DPYSL2: variants seen among roughly 807,000 people sequenced by gnomAD.
DPYSL2 encodes the protein dihydropyrimidinase-related protein 2.
DPYSL2 carries 13 observed loss-of-function variants against 69.9 expected under a neutral mutation model. That is an observed-to-expected ratio of 0.19 (90% CI 0.12 to 0.30). The LOEUF is 0.30. Ranked by LOEUF, DPYSL2 falls within the 10% of genes least tolerant of loss-of-function variation. DPYSL2 has a pLI of 1.00. For missense variants in DPYSL2, 587 were observed against 918.9 expected (o/e 0.64, Z 4.67); for synonymous variants, 326 against 359.1 (o/e 0.91, Z 1.04).
rs1238665765 is a variant in DPYSL2 at position 26,533,742 on chromosome 8, T to C, written c.354+19063T>C. On this transcript the variant is annotated intron_variant, in intron 1 of 13. Coordinates refer to ENST00000521913, the MANE Select transcript of DPYSL2 (RefSeq NM_001197293.3). The surrounding 1 kb of genome is among the most constrained non-coding windows in gnomAD (Gnocchi z 4.8). ...GTCAATGACCACAGCTGTCAAATGT[T>C]CTCAGGTGAAGAGGTTGAGAGGACT... 1.3e-5 allele frequency among the ~76,000 whole-genome samples: 2 copies of C among 152,210 alleles called. No homozygotes were observed. The highest frequency in any genetic ancestry group is 2.9e-5 in the Non-Finnish European group (2 of 68,040).
At chr8:26,645,966 C>A (rs1253642054) in intron 10 of DPYSL2, among the ~76,000 whole-genome samples, 1 of 151,982 alleles carries the variant, frequency 6.6e-6, no homozygotes, top group South Asian at 2.1e-4. Flanking sequence ...CCCGGGTTCA[C>A]GCAATTCTCT....
rs1802654703 is a variant in DPYSL2 at position 26,627,814 on chromosome 8, A to G, written c.937-58A>G. 9.5e-6 allele frequency: 15 copies of G among 1,572,144 alleles called. No individual in the cohort carries two copies. Among genetic ancestry groups the G allele is most frequent in the Non-Finnish European group, 1.3e-5 (15 of 1,150,030 alleles). On this transcript the variant is annotated intron_variant, in intron 6 of 13. Coordinates refer to ENST00000521913, the MANE Select transcript of DPYSL2 (RefSeq NM_001197293.3). The surrounding 1 kb of genome is among the most constrained non-coding windows in gnomAD (Gnocchi z 6.9). The stretch of plus-strand genomic sequence containing the variant: ...ATAACTGCATGCCCGGGCCTCTGCC[A>G]TCAGAGCTGTGCAAAATCCACTCTC...
At chr8:26,616,940 C>G (rs1182015636) in intron 3 of DPYSL2, among the ~76,000 whole-genome samples, 1 of 152,200 alleles carries the variant, frequency 6.6e-6, no homozygotes, top group African/African-American at 2.4e-5. Context: ...TACACATCCT[C>G]TCCCCTCCCT....
chr8:26,562,079 T>C lies in DPYSL2; in HGVS notation c.355-19890T>C, dbSNP rs1469873177. Among the ~76,000 whole-genome samples, 1 of 152,192 alleles carries C rather than the reference T, an allele frequency of 6.6e-6. No homozygotes were observed. The highest frequency in any genetic ancestry group is 1.5e-5 in the Non-Finnish European group (1 of 68,038). On this transcript the variant is annotated intron_variant, in intron 1 of 13. Coordinates refer to ENST00000521913, the MANE Select transcript of DPYSL2 (RefSeq NM_001197293.3). The surrounding 1 kb of genome is among the most constrained non-coding windows in gnomAD (Gnocchi z 4.9). ...CCAATCTAGAGTTCACACTTGATAG[T>C]TTTCTCCTACTTACTCCACATCCAA... is the stretch of plus-strand genomic sequence containing the variant.
intron 1 of DPYSL2, among the ~76,000 whole-genome samples, chr8:26,515,037 G>A (rs1808254532): frequency 6.6e-6 from 1 of 152,216 alleles, no homozygotes; most frequent in South Asian, 2.1e-4. Flanking sequence ...TTGCAGCTGC[G>A]GCTGGGTGCC....
chr8:26,633,613 A>G (rs977401106), intron 7 of DPYSL2, among the ~76,000 whole-genome samples: 3 of 151,262 alleles, frequency 2.0e-5, no homozygotes, highest in Non-Finnish European at 4.4e-5. Flanking sequence ...AATTACAGGC[A>G]TGCGCCACCA....
intron 1 of DPYSL2, chr8:26,547,904 C>A: frequency 3.6e-6 from 1 of 274,500 alleles, no homozygotes. Context: ...CCACTGAAAT[C>A]CCCATCCCAG....
intron 1 of DPYSL2, among the ~76,000 whole-genome samples, chr8:26,574,974 C>A (rs1801303236): frequency 6.6e-6 from 1 of 152,180 alleles, no homozygotes; most frequent in South Asian, 2.1e-4. Context: ...GCTCTTGTTG[C>A]CCAGGCTGAA....
rs73567691 is a variant in DPYSL2, at chr8:26,642,050, G to T, written c.1127-1389G>T. ...AGTAGAGAAGCTTGGCTGCATTGTT[G>T]TGGGGTGGGAGTTAGCCCTGTGCTG... On this transcript the variant is annotated intron_variant, in intron 8 of 13. Coordinates refer to ENST00000521913, the MANE Select transcript of DPYSL2 (RefSeq NM_001197293.3). This position sits in a 1 kb window ranked among gnomAD's most constrained non-coding sequence, Gnocchi z 5.3. 6.3e-3 allele frequency among the ~76,000 whole-genome samples: 958 copies of T among 152,362 alleles called. 11 individuals carry two copies. The highest frequency in any genetic ancestry group is 0.022 in the African/African-American group (926 of 41,590).
chr8:26,516,730 GC>G lies in DPYSL2; in HGVS notation c.354+2052del. On this transcript the variant is annotated intron_variant, in intron 1 of 13. Transcript: ENST00000521913. This position sits in a 1 kb window ranked among gnomAD's most constrained non-coding sequence, Gnocchi z 4.8. ...GTTGCCCAGTTATTAGTAACAGAGG[GC>G]GATTCTAGCTTGGCCTTTCTGCAGC... 1.3e-5 allele frequency among the ~76,000 whole-genome samples: 2 copies of G among 152,216 alleles called. No homozygotes were observed. Among genetic ancestry groups the G allele is most frequent in the Admixed American group, 1.3e-4 (2 of 15,288 alleles).
intron 1 of DPYSL2, among the ~76,000 whole-genome samples, chr8:26,569,219 A>G (rs1238017961): frequency 6.6e-6 from 1 of 152,118 alleles, no homozygotes; most frequent in African/African-American, 2.4e-5. Flanking sequence ...TTAGCCAGGC[A>G]TGGTGATGCA....
At chr8:26,600,308 A>G (rs369908276) in intron 3 of DPYSL2, among the ~76,000 whole-genome samples, 5 of 151,776 alleles carry the variant, frequency 3.3e-5, no homozygotes, top group African/African-American at 2.4e-5. Flanking sequence ...TGGTCATTCT[A>G]TGTTTAATTT....
rs10503787 is a variant in DPYSL2 at position 26,562,544 on chromosome 8, C to T, written c.355-19425C>T. On this transcript the variant is annotated intron_variant, in intron 1 of 13. Transcript: ENST00000521913. This position sits in a 1 kb window ranked among gnomAD's most constrained non-coding sequence, Gnocchi z 4.9. ...AGTATTGGTCAGATTTTGTTGTTCC[C>T]GATTAGAATGCTTAAATGGTTTCGT... 5.3e-3 allele frequency among the ~76,000 whole-genome samples: 813 copies of T among 152,140 alleles called. 5 individuals carry two copies. The highest frequency in any genetic ancestry group is 0.019 in the African/African-American group (779 of 41,494).
chr8:26,604,500 G>C (rs919057519), intron 3 of DPYSL2, among the ~76,000 whole-genome samples: 10 of 152,328 alleles, frequency 6.6e-5, no homozygotes, highest in Admixed American at 1.3e-4. Flanking sequence ...GTGAGAACCT[G>C]CCTGCCTCAT....
In DPYSL2 at chr8:26,653,538, C is replaced by A; in HGVS notation, c.1942+141C>A. The A allele has an allele frequency of 1.1e-6, 1 of 952,138 alleles. No homozygotes were observed. 59.0% of individuals were successfully genotyped at this position (952,138 alleles called of 1,614,324 possible). A position where few individuals can be genotyped will look rare whatever the true frequency, so the allele number is the denominator to read the frequency against. On this transcript the variant is annotated intron_variant, in intron 13 of 13. Coordinates refer to ENST00000521913, the MANE Select transcript of DPYSL2 (RefSeq NM_001197293.3). The surrounding 1 kb of genome is among the most constrained non-coding windows in gnomAD (Gnocchi z 5.7). The stretch of plus-strand genomic sequence containing the variant: ...TCTCCAACGTGAGAAATACAGTGGA[C>A]TCAGATCTCTGGAGATGTATTTTCT...
chr8:26,637,083 T>C (rs909443751), intron 8 of DPYSL2, among the ~76,000 whole-genome samples: 12 of 152,192 alleles, frequency 7.9e-5, no homozygotes, highest in Admixed American at 1.3e-4. Context: ...GTGTGTCTTA[T>C]GGGGTGAGCA....
chr8:26,626,482 AACACACACACACACACAC>A lies in DPYSL2; in HGVS notation c.794-112_794-95del, dbSNP rs58931747. On this transcript the variant is annotated intron_variant, in intron 4 of 13. Transcript: ENST00000521913. This position sits in a 1 kb window ranked among gnomAD's most constrained non-coding sequence, Gnocchi z 4.3. Reference sequence around the variant, plus strand: ...TCTCCTCTCTCTTTCTCTGTACTGAAACACACACACACACACACACACACACACACACACACACACGTA... The same window carrying A: ...TCTCCTCTCTCTTTCTCTGTACTGAAACACACACACACACACACACACGTA... 209 of 546,916 alleles carry A rather than the reference AACACACACACACACACAC, an allele frequency of 3.8e-4. No homozygotes were observed. The highest frequency in any genetic ancestry group is 4.9e-4 in the South Asian group (19 of 38,448). The allele number at this position is 546,916 out of a possible 1,614,324, so 33.9% of individuals were successfully genotyped here.
rs868630349 is a variant in DPYSL2, at chr8:26,655,693, C to T, written c.2021C>T (p.Thr674Ile). Residue 674 changes from threonine (T) to isoleucine (I), a missense_variant, in exon 14 of 14, where the codon ACC becomes ATC. Transcript: ENST00000521913. Reference protein sequence around the residue: ...VAPPGGRANITSLG With the variant: ...VAPPGGRANIISLG ...CCCCCCGGTGGCCGTGCCAACATCA[C>T]CAGCCTGGGCTAGAGCTCCTGGGCT... The T allele has an allele frequency of 2.5e-6, 4 of 1,607,512 alleles. No individual in the cohort carries two copies. In the Admixed American group the frequency reaches 5.0e-5, roughly 20 times the overall value.
At chr8:26,555,904 G>T (rs1251276559) in intron 1 of DPYSL2, among the ~76,000 whole-genome samples, 1 of 135,434 alleles carries the variant, frequency 7.4e-6, no homozygotes, top group Admixed American at 8.7e-5. Flanking sequence ...TACTTGTATA[G>T]GTAGTTATAT....
Sources: gnomAD v4.1 joint callset for allele counts (sites outside exome capture counted in the v4.1 genomes callset) on GRCh38, gnomAD v4.1.1 for gene constraint, Gnocchi (gnomAD v3.1) non-coding constraint, MANE v1.5 for transcripts, NCBI Gene and HGNC (gene_info 2026-07-23, HGNC 2026-07-21) for gene names.